Variants in PCDHA6 observed in about 807,000 individuals in gnomAD.
PCDHA6 encodes the protein protocadherin alpha-6.
In PCDHA6, 55 loss-of-function variants were observed where a neutral mutation model predicts 60.3. The observed-to-expected ratio is 0.91, with a 90% CI of 0.73 to 1.14. PCDHA6 has a LOEUF of 1.14. Ranked by LOEUF, PCDHA6 falls within the 50% of genes most tolerant of loss-of-function variation. PCDHA6 has a pLI of 0.00. For synonymous variants in PCDHA6, 652 were observed against 557.9 expected (o/e 1.17, Z -2.38); for missense variants, 1,327 against 1,256.5 (o/e 1.06, Z -0.85).
chr5:140,890,350 T>C (rs1199144948), intron 1 of PCDHA6, among the ~76,000 whole-genome samples: 1 of 152,186 alleles, frequency 6.6e-6, no homozygotes, highest in Non-Finnish European at 1.5e-5. Flanking sequence ...GTTTACTATA[T>C]AGCAATGGAT....
At chr5:141,009,482 C>T in intron 3 of PCDHA6, 145 bp from the exon 4 acceptor site, 1 of 1,446,086 alleles carries the variant, frequency 6.9e-7, no homozygotes, top group Non-Finnish European at 9.1e-7. Flanking sequence ...TAAACACTTG[C>T]CTTGCCCTCA....
At chr5:140,938,876 AAC>A (rs142461507) in intron 1 of PCDHA6, among the ~76,000 whole-genome samples, 10 of 151,120 alleles carry the variant, frequency 6.6e-5, no homozygotes, top group Non-Finnish European at 1.3e-4. Flanking sequence ...GTTAAGAAGC[AAC>A]ACACACACAC....
rs139887265 is a variant in PCDHA6, at chr5:140,849,821, T to C, written c.2394+19336T>C. The C allele has an allele frequency of 1.1e-5, 18 of 1,598,172 alleles. 3 individuals carry two copies. Among genetic ancestry groups the C allele is most frequent in the African/African-American group, 4.0e-5 (3 of 74,350 alleles). ...CACTGTGGGCCACGGCCAGGGTGTCTGTGGAGGTGGCCGACGTGAACGACA... is the reference window on the plus strand; with the variant it reads ...CACTGTGGGCCACGGCCAGGGTGTCCGTGGAGGTGGCCGACGTGAACGACA... On this transcript the variant is annotated intron_variant, in intron 1 of 3. Transcript: ENST00000529310.
At chr5:141,000,513 C>G (rs1258002727) in intron 3 of PCDHA6, among the ~76,000 whole-genome samples, 2 of 143,802 alleles carry the variant, frequency 1.4e-5, no homozygotes, top group African/African-American at 5.2e-5. Context: ...CTGCAACCTC[C>G]TTCTCCAGGG....
At chr5:140,861,849 T>G (rs2047107514) in intron 1 of PCDHA6, 1 of 156,218 alleles carries the variant, frequency 6.4e-6, no homozygotes, top group Non-Finnish European at 1.4e-5. Flanking sequence ...CTACTCTTGG[T>G]GCTCAAAGCA....
intron 1 of PCDHA6, chr5:140,883,657 C>A (rs782568456): frequency 1.2e-6 from 2 of 1,613,470 alleles, no homozygotes; most frequent in East Asian, 4.5e-5. Context: ...ACACGGTGTT[C>A]GTGAAGGAAA....
At chr5:140,875,292 T>A in intron 1 of PCDHA6, 1 of 1,401,900 alleles carries the variant, frequency 7.1e-7, no homozygotes, top group Non-Finnish European at 9.3e-7. Flanking sequence ...ACAGGAAAAT[T>A]TTTTTCTCCG....
At chr5:140,914,615 A>G (rs573524299) in intron 1 of PCDHA6, among the ~76,000 whole-genome samples, 12 of 151,836 alleles carry the variant, frequency 7.9e-5, no homozygotes, top group African/African-American at 2.9e-4. Context: ...GCCATTTTGT[A>G]ATTTGTTTTC....
intron 1 of PCDHA6, among the ~76,000 whole-genome samples, chr5:140,977,103 G>A (rs1159604551): frequency 6.6e-6 from 1 of 152,230 alleles, no homozygotes; most frequent in Non-Finnish European, 1.5e-5. Context: ...TTGGGGAAGT[G>A]AGATTGTATA....
rs370831122 is a variant in PCDHA6, at chr5:140,966,962, G to C, written c.2395-11987G>C. On this transcript the variant is annotated intron_variant, in intron 1 of 3. Transcript: ENST00000529310. ...CGTGGGCAACGTGGCTCGCGCGCTG[G>C]GGCTTGAGCTGCGGCGCTTGGGGCC... The C allele has an allele frequency of 1.3e-5, 21 of 1,602,632 alleles. No individual in the cohort carries two copies. Among genetic ancestry groups the C allele is most frequent in the Admixed American group, 3.3e-5 (2 of 59,750 alleles).
rs1194699670 is a variant in PCDHA6 at position 140,829,268 on chromosome 5, G to A, written c.1177G>A (p.Val393Ile). Residue 393 changes from valine (V) to isoleucine (I), a missense_variant, in exon 1 of 4, where the codon GTC becomes ATC. Transcript: ENST00000529310. ...GGTGAACTGCTCGCTGACGCCTCACGTCCCTTTCAAGCTGGTGTCCACCTT... is the reference window on the plus strand; with the variant it reads ...GGTGAACTGCTCGCTGACGCCTCACATCCCTTTCAAGCTGGTGTCCACCTT... The part of the protein sequence containing the change: ...GQVNCSLTPH[V>I]PFKLVSTFKN... 17 of 1,614,092 alleles carry A rather than the reference G, an allele frequency of 1.1e-5. No homozygotes were observed. The highest frequency in any genetic ancestry group is 1.2e-5 in the Non-Finnish European group (14 of 1,180,042).
intron 1 of PCDHA6, among the ~76,000 whole-genome samples, chr5:140,947,353 A>G (rs1041468487): frequency 4.6e-5 from 7 of 151,616 alleles, no homozygotes; most frequent in African/African-American, 1.7e-4. Context: ...TCTGGACTCT[A>G]TTTCACTCCT....
intron 1 of PCDHA6, chr5:140,834,328 T>C (rs2150127559): frequency 6.9e-7 from 1 of 1,451,502 alleles, no homozygotes; most frequent in Non-Finnish European, 9.4e-7. Flanking sequence ...ATAAAAACAT[T>C]CCTATAAATT....
In PCDHA6 at chr5:140,850,310, G is replaced by A. The variant is rs2150478968; in HGVS notation, c.2394+19825G>A. The stretch of plus-strand genomic sequence containing the variant: ...TGGACGCCGACTCGGGCTACAACGC[G>A]TGGCTTTCATACGAGCTGCAGCCAG... On this transcript the variant is annotated intron_variant, in intron 1 of 3. Transcript: ENST00000529310. The A allele has an allele frequency of 1.0e-5, 16 of 1,597,212 alleles. 1 individual carries two copies. Among genetic ancestry groups the A allele is most frequent in the Non-Finnish European group, 1.4e-5 (16 of 1,167,678 alleles).
chr5:140,976,841 A>G lies in PCDHA6; in HGVS notation c.2395-2108A>G, dbSNP rs145977857. Among the ~76,000 whole-genome samples the G allele has an allele frequency of 1.2e-3, 190 of 152,338 alleles. 1 individual carries two copies. Among genetic ancestry groups the G allele is most frequent in the African/African-American group, 4.3e-3 (178 of 41,578 alleles). ...GTGTCTAATGAGCAAAACAGATATA[A>G]TCCCTTTCATAGAGTTTACTGTCTG... On this transcript the variant is annotated intron_variant, in intron 1 of 3. Coordinates refer to ENST00000529310, the MANE Select transcript of PCDHA6 (RefSeq NM_018909.4).
intron 1 of PCDHA6, among the ~76,000 whole-genome samples, chr5:140,964,622 T>A (rs1435749865): frequency 6.6e-6 from 1 of 152,048 alleles, no homozygotes; most frequent in African/African-American, 2.4e-5. Flanking sequence ...ATTCCACTTA[T>A]AAGCCATTTA....
At position 141,000,188 on chromosome 5, in the gene PCDHA6, A is replaced by G. The variant is rs182049578; in HGVS notation, c.2543-9439A>G. 8.6e-3 allele frequency among the ~76,000 whole-genome samples: 1,302 copies of G among 151,928 alleles called. 5 individuals carry two copies. Among genetic ancestry groups the G allele is most frequent in the Middle Eastern group, 0.017 (5 of 294 alleles). ...ATTATTGAGCCAAGGAGTCAATGTG[A>G]GAATAGTTTTTCACCTTCATTATCA... is the stretch of plus-strand genomic sequence containing the variant. On this transcript the variant is annotated intron_variant, in intron 3 of 3. Coordinates refer to ENST00000529310, the MANE Select transcript of PCDHA6 (RefSeq NM_018909.4).
intron 1 of PCDHA6, chr5:140,857,918 G>A: frequency 3.1e-6 from 5 of 1,597,824 alleles, no homozygotes; most frequent in Non-Finnish European, 4.3e-6. Context: ...GTTTCGCGTG[G>A]GGCTGTACAC....
chr5:140,877,964 T>C lies in PCDHA6; in HGVS notation c.2394+47479T>C, dbSNP rs1582419472. On this transcript the variant is annotated intron_variant, in intron 1 of 3. Coordinates refer to ENST00000529310, the MANE Select transcript of PCDHA6 (RefSeq NM_018909.4). ...AAACTATCGAATGTCTCATCTTTCTTGGTCATTCTTACTCATTTTGAACTT... is the reference window on the plus strand; with the variant it reads ...AAACTATCGAATGTCTCATCTTTCTCGGTCATTCTTACTCATTTTGAACTT... 3 of 1,310,338 alleles carry C rather than the reference T, an allele frequency of 2.3e-6. No individual in the cohort carries two copies. The East Asian group carries it at 7.9e-5, about 34-fold the overall frequency. 81.2% of individuals were successfully genotyped at this position (1,310,338 alleles called of 1,614,324 possible). A position where few individuals can be genotyped will look rare whatever the true frequency, so the allele number is the denominator to read the frequency against.
Sources: gnomAD v4.1 joint callset for allele counts (sites outside exome capture counted in the v4.1 genomes callset) on GRCh38, gnomAD v4.1.1 for gene constraint, MANE v1.5 for transcripts, NCBI Gene and HGNC (gene_info 2026-07-23, HGNC 2026-07-21) for gene names.